Variants in CLSTN2 observed in about 807,000 individuals in gnomAD.
CLSTN2 encodes calsyntenin 2, also known as calsyntenin-2.
Under a neutral mutation model 101.2 loss-of-function variants are expected in CLSTN2, and 48 were observed. The ratio of observed to expected loss-of-function variants is 0.47; its 90% confidence interval spans 0.38 to 0.60. The LOEUF (loss-of-function observed/expected upper bound fraction) is 0.60, where lower values mean the gene tolerates loss of function less well. CLSTN2 is among the 20% of genes least tolerant of loss of function. CLSTN2 has a pLI of 0.00. For synonymous variants in CLSTN2, 481 were observed against 463.6 expected (o/e 1.04, Z -0.48); for missense variants, 1,160 against 1,238.2 (o/e 0.94, Z 0.95).
intron 1 of CLSTN2, among the ~76,000 whole-genome samples, chr3:140,092,590 G>A (rs146780283): frequency 6.6e-6 from 1 of 152,310 alleles, no homozygotes; most frequent in East Asian, 1.9e-4. Context: ...ACTGCGGGGT[G>A]TGCCGGGCTG....
At chr3:140,420,925 T>C (rs2088497936) in intron 4 of CLSTN2, among the ~76,000 whole-genome samples, 200 bp from the exon 5 acceptor site, 1 of 152,208 alleles carries the variant, frequency 6.6e-6, no homozygotes, top group South Asian at 2.1e-4. Context: ...CTTCAGCCAG[T>C]GGGTTCCCAG....
chr3:140,344,104 A>G (rs888338635), intron 2 of CLSTN2, among the ~76,000 whole-genome samples: 4 of 152,154 alleles, frequency 2.6e-5, no homozygotes, highest in African/African-American at 9.7e-5. Flanking sequence ...CTTACCTGCT[A>G]TAGTTTCAGT....
chr3:140,121,317 A>T (rs1560101259), intron 1 of CLSTN2, among the ~76,000 whole-genome samples: 1 of 152,124 alleles, frequency 6.6e-6, no homozygotes, highest in Admixed American at 6.5e-5. Flanking sequence ...TGAAATGGGT[A>T]TTGTGTAGGG....
At chr3:140,529,413 G>C (rs1935210746) in intron 8 of CLSTN2, among the ~76,000 whole-genome samples, 1 of 152,176 alleles carries the variant, frequency 6.6e-6, no homozygotes, top group African/African-American at 2.4e-5. Flanking sequence ...GGTGCGGCTG[G>C]ATACACCAGT....
At chr3:140,126,828 G>A (rs2009441243) in intron 1 of CLSTN2, among the ~76,000 whole-genome samples, 1 of 152,138 alleles carries the variant, frequency 6.6e-6, no homozygotes, top group Non-Finnish European at 1.5e-5. Context: ...CAGACACAGG[G>A]ATGGTCACAT....
intron 5 of CLSTN2, among the ~76,000 whole-genome samples, chr3:140,431,739 G>A (rs1431707391): frequency 6.6e-6 from 1 of 152,190 alleles, no homozygotes; most frequent in Non-Finnish European, 1.5e-5. Flanking sequence ...GCAAACCAGT[G>A]GAGATGGAGC....
chr3:140,046,724 C>G (rs957861626), intron 1 of CLSTN2, among the ~76,000 whole-genome samples: 2 of 152,158 alleles, frequency 1.3e-5, no homozygotes, highest in Admixed American at 1.3e-4. Flanking sequence ...GACAAAATCT[C>G]TCAGCATTTG....
At chr3:140,437,914 G>T (rs868277775) in intron 5 of CLSTN2, among the ~76,000 whole-genome samples, 4 of 152,026 alleles carry the variant, frequency 2.6e-5, no homozygotes, top group Non-Finnish European at 4.4e-5. Flanking sequence ...ACATTATGTT[G>T]TTTTTCCACT....
intron 2 of CLSTN2, among the ~76,000 whole-genome samples, chr3:140,318,943 A>G (rs781442536): frequency 5.3e-5 from 8 of 152,132 alleles, no homozygotes; most frequent in Non-Finnish European, 1.2e-4. Flanking sequence ...CTTCCCTTCA[A>G]TGAAGGTGAA....
intron 8 of CLSTN2, among the ~76,000 whole-genome samples, chr3:140,501,859 G>A (rs1386869794): frequency 6.6e-6 from 1 of 152,210 alleles, no homozygotes; most frequent in Admixed American, 6.5e-5. Flanking sequence ...AAGGCCTGGG[G>A]TGGAGTCTAT....
At chr3:140,411,405 G>C (rs368229590) in intron 4 of CLSTN2, among the ~76,000 whole-genome samples, 2 of 152,238 alleles carry the variant, frequency 1.3e-5, no homozygotes, top group Non-Finnish European at 2.9e-5. Flanking sequence ...TGTACCCAAC[G>C]CTAGAGCGTG....
chr3:140,244,515 A>G (rs948308289), intron 2 of CLSTN2, among the ~76,000 whole-genome samples: 1 of 152,118 alleles, frequency 6.6e-6, no homozygotes, highest in Non-Finnish European at 1.5e-5. Flanking sequence ...ATGCACTTAG[A>G]GCACCAGGCT....
intron 9 of CLSTN2, among the ~76,000 whole-genome samples, chr3:140,534,984 C>T (rs571251614): frequency 1.3e-5 from 2 of 152,166 alleles, no homozygotes; most frequent in Admixed American, 6.5e-5. Flanking sequence ...TTCTAGTGAT[C>T]GCCTCATCAG....
chr3:140,269,439 C>T (rs1419381253), intron 2 of CLSTN2, among the ~76,000 whole-genome samples: 2 of 152,198 alleles, frequency 1.3e-5, no homozygotes, highest in Admixed American at 6.5e-5. Context: ...CAGATACATA[C>T]CTGCTGGCAG....
intron 1 of CLSTN2, among the ~76,000 whole-genome samples, chr3:140,017,647 G>T (rs1390423594): frequency 6.6e-6 from 1 of 152,226 alleles, no homozygotes; most frequent in Non-Finnish European, 1.5e-5. Context: ...GGGCAGCGGG[G>T]CCCATCAGCC....
At chr3:140,040,066 T>C (rs1244503752) in intron 1 of CLSTN2, among the ~76,000 whole-genome samples, 1 of 152,214 alleles carries the variant, frequency 6.6e-6, no homozygotes, top group Non-Finnish European at 1.5e-5. Flanking sequence ...ACTAGGTGAG[T>C]TTACATAGTT....
Position 140,574,390 on chromosome 3 carries a change from C to G in CLSTN2, c.*8137C>G, listed in dbSNP as rs1298920855. 1 of 152,216 alleles carries G rather than the reference C, an allele frequency of 6.6e-6. No homozygotes were observed. The highest frequency in any genetic ancestry group is 2.4e-5 in the African/African-American group (1 of 41,450). The allele number at this position is 152,216 out of a possible 1,614,324, so 9.4% of individuals were successfully genotyped here. ...TAAGCAAGGAGCAGGGGTAGATGTGCCTGGGTGAGGCCTGCTTGCTCCACC... is the reference window on the plus strand; with the variant it reads ...TAAGCAAGGAGCAGGGGTAGATGTGGCTGGGTGAGGCCTGCTTGCTCCACC... On this transcript the variant is annotated 3_prime_UTR_variant, in exon 17 of 17. Transcript: ENST00000458420.
chr3:140,258,801 C>A (rs1274603635), intron 2 of CLSTN2, among the ~76,000 whole-genome samples: 1 of 152,146 alleles, frequency 6.6e-6, no homozygotes. Flanking sequence ...AATTATCAGA[C>A]ACTTGCCATA....
intron 9 of CLSTN2, among the ~76,000 whole-genome samples, chr3:140,545,511 G>A (rs1410313322): frequency 6.6e-6 from 1 of 152,168 alleles, no homozygotes; most frequent in African/African-American, 2.4e-5. Flanking sequence ...ATTCAACCCA[G>A]GCCCATCTTT....
Sources: gnomAD v4.1 joint callset for allele counts (sites outside exome capture counted in the v4.1 genomes callset) on GRCh38, gnomAD v4.1.1 for gene constraint, MANE v1.5 for transcripts, NCBI Gene and HGNC (gene_info 2026-07-23, HGNC 2026-07-21) for gene names.